USH2A: variants seen among roughly 807,000 people sequenced by gnomAD.
USH2A encodes usherin, also known as Usher syndrome 2A (autosomal recessive, mild).
Under a neutral mutation model 538.9 loss-of-function variants are expected in USH2A, and 443 were observed. The observed-to-expected ratio is 0.82, with a 90% CI of 0.76 to 0.89. USH2A has a LOEUF of 0.89. Among genes scored for constraint, USH2A ranks in the 40% least tolerant of loss-of-function variants. The pLI is 0.00. For missense variants in USH2A, 6,633 were observed against 6,324.8 expected (o/e 1.05, Z -1.65); for synonymous variants, 2,413 against 2,273.5 (o/e 1.06, Z -1.75).
chr1:215,629,773 C>CTT (rs34349385), intron 70 of USH2A, among the ~76,000 whole-genome samples: 3,113 of 124,984 alleles, frequency 0.025, 180 homozygotes, highest in African/African-American at 0.093. Flanking sequence ...CTTTTCTTTT[C>CTT]TTTTTTTTTT....
At chr1:215,650,925 A>T (rs1657056574) in intron 64 of USH2A, 124 bp from the exon 65 acceptor site, 1 of 1,006,396 alleles carries the variant, frequency 9.9e-7, no homozygotes, top group African/African-American at 1.6e-5. Flanking sequence ...ACAGGAAGAG[A>T]TAAACTTTGA....
intron 43 of USH2A, among the ~76,000 whole-genome samples, chr1:215,876,690 A>T (rs1360644698): frequency 6.6e-6 from 1 of 152,194 alleles, no homozygotes; most frequent in African/African-American, 2.4e-5. Context: ...GTTACAGAGG[A>T]GCTGAATCAG....
intron 15 of USH2A, among the ~76,000 whole-genome samples, chr1:216,210,261 G>A (rs556720708): frequency 4.7e-4 from 71 of 151,490 alleles, no homozygotes; most frequent in African/African-American, 1.5e-3. Flanking sequence ...GAGGCTATAT[G>A]AGTAAACAGC....
chr1:216,019,371 G>C (rs1668790464), intron 32 of USH2A, among the ~76,000 whole-genome samples: 1 of 152,112 alleles, frequency 6.6e-6, no homozygotes, highest in Non-Finnish European at 1.5e-5. Context: ...CATTCTTTGG[G>C]GCCACCATTA....
chr1:216,267,688 G>T (rs2036501984), intron 11 of USH2A, among the ~76,000 whole-genome samples: 1 of 152,038 alleles, frequency 6.6e-6, no homozygotes, highest in South Asian at 2.1e-4. Context: ...TCTCTCCTCA[G>T]CCATTTTACA....
intron 56 of USH2A, among the ~76,000 whole-genome samples, chr1:215,760,153 A>G (rs1256226402): frequency 6.6e-6 from 1 of 152,200 alleles, no homozygotes; most frequent in African/African-American, 2.4e-5. Flanking sequence ...ACTTTTTAAT[A>G]CAATTTACCT....
rs141941483 is a variant in USH2A, at chr1:216,089,273, A to G, written c.4759-134T>C. ...ACAAGCATGCATACATTTCAAACAGAACTCAAAATTAAAGCTGATGTCTAG... is the reference window on the plus strand; with the variant it reads ...ACAAGCATGCATACATTTCAAACAGGACTCAAAATTAAAGCTGATGTCTAG... On this transcript the variant is annotated intron_variant, in intron 22 of 71. Coordinates refer to ENST00000307340, the MANE Select transcript of USH2A (RefSeq NM_206933.4). 903 of 984,144 alleles carry G rather than the reference A, an allele frequency of 9.2e-4. 10 individuals carry two copies. The African/African-American group carries it at 0.012, about 13-fold the overall frequency. The allele number at this position is 984,144 out of a possible 1,614,324, so 61.0% of individuals were successfully genotyped here. A position where few individuals can be genotyped will look rare whatever the true frequency, so the allele number is the denominator to read the frequency against.
intron 11 of USH2A, among the ~76,000 whole-genome samples, chr1:216,272,880 T>C (rs1159198359): frequency 2.6e-5 from 4 of 152,072 alleles, no homozygotes; most frequent in Non-Finnish European, 1.5e-5. Flanking sequence ...ATTTCATATG[T>C]TCAGCTTAAA....
Position 215,816,991 on chromosome 1 carries a change from A to G in USH2A, c.9570+6T>C, listed in dbSNP as rs761865071. 6 of 1,612,004 alleles carry G rather than the reference A, an allele frequency of 3.7e-6. No individual in the cohort carries two copies. The highest frequency in any genetic ancestry group is 4.2e-6 in the Non-Finnish European group (5 of 1,178,554). ...ATGGTTCACTGATTAGTTAGAAAAG[A>G]CTTACCTTAGCTTCAGAAGAATAGC... On this transcript the variant is annotated splice_donor_region_variant and intron_variant, in intron 48 of 71. Transcript: ENST00000307340.
chr1:216,081,540 G>C (rs1181388927), intron 26 of USH2A, among the ~76,000 whole-genome samples: 1 of 152,086 alleles, frequency 6.6e-6, no homozygotes, highest in African/African-American at 2.4e-5. Flanking sequence ...AGTGTTAAAA[G>C]AAAGCCAAGC....
intron 30 of USH2A, among the ~76,000 whole-genome samples, chr1:216,059,307 CTT>C (rs2102536418): frequency 6.6e-6 from 1 of 152,266 alleles, no homozygotes; most frequent in South Asian, 2.1e-4. Flanking sequence ...CTTGACAACT[CTT>C]TATATGGCCC....
chr1:215,750,022 C>T (rs1660577777), intron 58 of USH2A, among the ~76,000 whole-genome samples: 1 of 152,076 alleles, frequency 6.6e-6, no homozygotes, highest in East Asian at 1.9e-4. Flanking sequence ...CAGGTGCATA[C>T]TTTACAATGG....
chr1:215,751,501 G>C (rs1660620668), intron 58 of USH2A, among the ~76,000 whole-genome samples: 2 of 152,146 alleles, frequency 1.3e-5, no homozygotes, highest in African/African-American at 2.4e-5. Context: ...AAATTAGAAA[G>C]ACTCATTATT....
intron 21 of USH2A, among the ~76,000 whole-genome samples, chr1:216,130,468 G>A (rs965831760): frequency 1.3e-5 from 2 of 149,348 alleles, no homozygotes; most frequent in African/African-American, 2.5e-5. Flanking sequence ...TCTCATCCAG[G>A]TCACTGTGAA....
At chr1:216,198,635 C>T in intron 17 of USH2A, 51 bp from the exon 18 acceptor site, 4 of 1,570,292 alleles carry the variant, frequency 2.5e-6, no homozygotes, top group Non-Finnish European at 3.5e-6. Flanking sequence ...AAAGGGGTTA[C>T]TTTAGGGGTA....
intron 14 of USH2A, among the ~76,000 whole-genome samples, chr1:216,225,652 G>A (rs1020551660): frequency 1.3e-5 from 2 of 152,158 alleles, no homozygotes; most frequent in Non-Finnish European, 2.9e-5. Flanking sequence ...CTCAACAACA[G>A]AGCCAATTCT....
intron 24 of USH2A, 174 bp from the exon 25 acceptor site, chr1:216,085,051 C>T (rs1026920454): frequency 1.5e-6 from 1 of 646,490 alleles, no homozygotes; most frequent in Non-Finnish European, 2.7e-6. Flanking sequence ...TAAATGATAG[C>T]AATTATAATG....
chr1:216,238,340 A>C (rs1393561568), intron 13 of USH2A, among the ~76,000 whole-genome samples: 1 of 152,142 alleles, frequency 6.6e-6, no homozygotes, highest in Non-Finnish European at 1.5e-5. Context: ...ATGCGTTGAC[A>C]TCCTTCCCTG....
At chr1:215,793,068 T>G (rs1466781495) in intron 50 of USH2A, among the ~76,000 whole-genome samples, 1 of 152,164 alleles carries the variant, frequency 6.6e-6, no homozygotes, top group Non-Finnish European at 1.5e-5. Flanking sequence ...GAGAAAATAG[T>G]GGAGGAAAAA....
Sources: allele counts gnomAD v4.1 joint callset (sites outside exome capture counted in the v4.1 genomes callset), GRCh38; gene constraint gnomAD v4.1.1; transcripts MANE v1.5; gene names NCBI Gene and HGNC (gene_info 2026-07-23, HGNC 2026-07-21).